The following AKR1E2 variants were observed in gnomAD, a reference collection of about 807,000 sequenced individuals.
AKR1E2 encodes 1,5-anhydro-D-fructose reductase.
A neutral mutation model predicts 41.9 loss-of-function variants in AKR1E2; 43 were observed. The observed-to-expected ratio is 1.03, with a 90% confidence interval of 0.80 to 1.32. The LOEUF (loss-of-function observed/expected upper bound fraction) is 1.32. AKR1E2 is among the 40% of genes most tolerant of loss of function. AKR1E2 has a pLI of 0.00. For missense variants in AKR1E2, 423 were observed against 396.5 expected (o/e 1.07, Z -0.57); for synonymous variants, 121 against 138.9 (o/e 0.87, Z 0.91).
At chr10:4,865,890 T>C in the AKR1E2 span, among the ~76,000 whole-genome samples, 1 of 152,212 alleles carries the variant, frequency 6.6e-6, no homozygotes, top group Non-Finnish European at 1.5e-5. Context: ...GTATTCATCA[T>C]TATTCATTTG....
upstream of AKR1E2, among the ~76,000 whole-genome samples, chr10:4,825,928 T>G (rs2961565): frequency 0.85 from 128,991 of 151,466 alleles, 55,454 homozygotes; most frequent in East Asian, 0.98. Context: ...ACACCTAAGG[T>G]GGGGGCGTGA....
intron 8 of AKR1E2, among the ~76,000 whole-genome samples, chr10:4,844,666 C>T (rs1834170591): frequency 6.6e-6 from 1 of 152,184 alleles, no homozygotes; most frequent in Non-Finnish European, 1.5e-5. Context: ...TCCAAGTCCC[C>T]ACCAGAGTAG....
At chr10:4,872,721 C>T in the AKR1E2 span, among the ~76,000 whole-genome samples, 373 of 152,110 alleles carry the variant, frequency 2.5e-3, no homozygotes, top group African/African-American at 8.4e-3. Context: ...AAAAACCCTG[C>T]CCTTAGAATC....
chr10:4,842,941 CT>C (rs11351812), intron 8 of AKR1E2, among the ~76,000 whole-genome samples: 31,136 of 152,088 alleles, frequency 0.2, 3,376 homozygotes, highest in Middle Eastern at 0.34. Context: ...GAGGGCACTG[CT>C]TTGAGTTGTG....
At chr10:4,833,092 T>A (rs1419688574) in intron 2 of AKR1E2, among the ~76,000 whole-genome samples, 2 of 152,160 alleles carry the variant, frequency 1.3e-5, no homozygotes, top group Admixed American at 1.3e-4. Flanking sequence ...AACCATCAAA[T>A]ATCTCTTGGA....
At chr10:4,836,852 C>G (rs1238559144) in intron 4 of AKR1E2, among the ~76,000 whole-genome samples, 1 of 152,216 alleles carries the variant, frequency 6.6e-6, no homozygotes, top group African/African-American at 2.4e-5. Flanking sequence ...TCACTCAGGA[C>G]TTGCTGCTGA....
At chr10:4,841,276 C>T (rs993194464) in intron 6 of AKR1E2, among the ~76,000 whole-genome samples, 2 of 152,188 alleles carry the variant, frequency 1.3e-5, no homozygotes, top group African/African-American at 2.4e-5. Flanking sequence ...AGGGCCCACC[C>T]GTGCCTGAGC....
the AKR1E2 span, among the ~76,000 whole-genome samples, chr10:4,870,653 A>C: frequency 7.0e-6 from 1 of 143,302 alleles, no homozygotes; most frequent in Non-Finnish European, 1.6e-5. Flanking sequence ...CAATTATTTG[A>C]ATTCTTTTTT....
rs765707539 is a variant in AKR1E2 at position 4,833,336 on chromosome 10, C to T, written c.208-14C>T. On this transcript the variant is annotated splice_polypyrimidine_tract_variant and intron_variant, in intron 2 of 9. Coordinates refer to ENST00000298375, the MANE Select transcript of AKR1E2 (RefSeq NM_001040177.3). ...GGGTGGGCACGTGTGACGCTGGTCC[C>T]CTCTCCTTTGTAGCTGTGGTGCACC... 33 of 1,608,704 alleles carry T rather than the reference C, an allele frequency of 2.1e-5. No homozygotes were observed. The South Asian group carries it at 3.6e-4, about 18-fold the overall frequency.
At chr10:4,830,582 T>C in intron 1 of AKR1E2, 93 bp from the exon 2 acceptor site, 1 of 1,408,736 alleles carries the variant, frequency 7.1e-7, no homozygotes, top group South Asian at 1.3e-5. Context: ...TAATTTTTTA[T>C]GTATTATGTT....
downstream of AKR1E2, chr10:4,848,078 C>CTGTT (rs1340907341): frequency 0.21 from 27,857 of 131,428 alleles, 3,019 homozygotes; most frequent in Middle Eastern, 0.36. Flanking sequence ...ATTTTAATTT[C>CTGTT]TTTTTTTTTT....
At chr10:4,842,541 A>T in intron 8 of AKR1E2, 37 bp downstream of exon 8, 1 of 1,591,910 alleles carries the variant, frequency 6.3e-7, no homozygotes, top group Non-Finnish European at 8.6e-7. Flanking sequence ...CGGGTTTCAG[A>T]TCATGTGTTA....
At position 4,830,685 on chromosome 10, in the gene AKR1E2, GGAAAGT is replaced by G; in HGVS notation, c.53_58del (p.Lys18_Val19del). ...TTGTTGGTTTTGCAGGCTTCTCCAG[GGAAAGT>G]GACCGAGGCAGTGAAAGAGGCCATT... On this transcript the variant is annotated inframe_deletion, in exon 2 of 10. Transcript: ENST00000298375. 1 of 1,613,974 alleles carries G rather than the reference GGAAAGT, an allele frequency of 6.2e-7. No individual in the cohort carries two copies. The highest frequency in any genetic ancestry group is 8.5e-7 in the Non-Finnish European group (1 of 1,179,928).
chr10:4,859,815 G>T, the AKR1E2 span, among the ~76,000 whole-genome samples: 1 of 152,208 alleles, frequency 6.6e-6, no homozygotes, highest in African/African-American at 2.4e-5. Flanking sequence ...GAATAGACAG[G>T]TCAGCAGTGG....
At chr10:4,868,152 C>T in the AKR1E2 span, among the ~76,000 whole-genome samples, 4 of 152,164 alleles carry the variant, frequency 2.6e-5, no homozygotes, top group Non-Finnish European at 2.9e-5. Context: ...TCAAAGACTA[C>T]AGCAGTCTGT....
At chr10:4,855,662 T>C in the AKR1E2 span, among the ~76,000 whole-genome samples, 2 of 152,354 alleles carry the variant, frequency 1.3e-5, no homozygotes, top group South Asian at 2.1e-4. Flanking sequence ...CTTTAATTTA[T>C]TGGCTTAAAA....
intron 8 of AKR1E2, among the ~76,000 whole-genome samples, chr10:4,843,567 C>G (rs1834053415): frequency 1.3e-5 from 2 of 152,210 alleles, no homozygotes; most frequent in Admixed American, 6.5e-5. Context: ...CTCCACAAGG[C>G]ACTGCTGCAT....
the AKR1E2 span, among the ~76,000 whole-genome samples, chr10:4,863,856 T>C: frequency 1.3e-5 from 2 of 151,938 alleles, no homozygotes; most frequent in Admixed American, 6.6e-5. Context: ...AATTAGAAAA[T>C]CTAGAAGAAA....
Position 4,837,556 on chromosome 10 carries a change from TGAG to T in AKR1E2, c.559_561del (p.Arg187del). 3 of 1,613,768 alleles carry T rather than the reference TGAG, an allele frequency of 1.9e-6. No homozygotes were observed. The highest frequency in any genetic ancestry group is 2.5e-6 in the Non-Finnish European group (3 of 1,179,780). On this transcript the variant is annotated inframe_deletion, in exon 5 of 10. Coordinates refer to ENST00000298375, the MANE Select transcript of AKR1E2 (RefSeq NM_001040177.3). Reference sequence around the variant, plus strand: ...GAGAGGCTTTTGAATAAGCCTGGGTTGAGGTTCAAGCCACTAACCAACCAGGTA... The same window carrying T: ...GAGAGGCTTTTGAATAAGCCTGGGTTGTTCAAGCCACTAACCAACCAGGTA...
Sources: allele counts gnomAD v4.1 joint callset (sites outside exome capture counted in the v4.1 genomes callset), GRCh38; gene constraint gnomAD v4.1.1; transcripts MANE v1.5; gene names NCBI Gene and HGNC (gene_info 2026-07-23, HGNC 2026-07-21).